RELN: variants seen among roughly 807,000 people sequenced by gnomAD.
RELN encodes reelin.
A neutral mutation model predicts 427.6 loss-of-function variants in RELN; 108 were observed. The ratio of observed to expected loss-of-function variants is 0.25; its 90% CI spans 0.22 to 0.30. The LOEUF (loss-of-function observed/expected upper bound fraction) is 0.30, where lower values mean the gene tolerates loss of function less well. RELN is among the 10% of genes least tolerant of loss of function. The probability of loss-of-function intolerance (pLI) is 1.00; values close to 1 mark genes in which losing one functional copy is unlikely to be tolerated. For missense variants in RELN, 3,715 were observed against 4,302.8 expected, an observed-to-expected ratio of 0.86 and a Z score of 3.82; for synonymous variants, 1,524 against 1,513.4, an observed-to-expected ratio of 1.01 and a Z score of -0.16.
intron 4 of RELN, among the ~76,000 whole-genome samples, chr7:103,762,588 T>A (rs1791329810): frequency 2.0e-5 from 3 of 152,240 alleles, no homozygotes; most frequent in South Asian, 2.1e-4. Context: ...TTCCCAATGC[T>A]GAGCACAATG....
In RELN at chr7:103,563,268, TG is replaced by T. The variant is rs1315469256; in HGVS notation, c.5211-1316del. On this transcript the variant is annotated intron_variant, in intron 34 of 64. Coordinates refer to ENST00000428762, the MANE Select transcript of RELN (RefSeq NM_005045.4). The surrounding 1 kb of genome is among the most constrained non-coding windows in gnomAD (Gnocchi z 4.1). ...CGATGATGGACTGCATTTATGACAATGGTCTCATAAGATTATAATGGATCTG... is the reference window on the plus strand; with the variant it reads ...CGATGATGGACTGCATTTATGACAATGTCTCATAAGATTATAATGGATCTG... 6.6e-6 allele frequency among the ~76,000 whole-genome samples: 1 copy of T among 152,238 alleles called. No homozygotes were observed. The highest frequency in any genetic ancestry group is 1.5e-5 in the Non-Finnish European group (1 of 68,040).
chr7:103,618,841 G>A (rs1300045092), intron 20 of RELN, among the ~76,000 whole-genome samples: 1 of 152,126 alleles, frequency 6.6e-6, no homozygotes, highest in Admixed American at 6.6e-5. Flanking sequence ...GGCAGGGTGT[G>A]GTGGCTCACA....
At chr7:103,644,303 A>G (rs1481546272) in intron 16 of RELN, among the ~76,000 whole-genome samples, 2 of 151,854 alleles carry the variant, frequency 1.3e-5, no homozygotes, top group Non-Finnish European at 2.9e-5. Context: ...TATTAATTTT[A>G]AATAATCTCA....
intron 2 of RELN, among the ~76,000 whole-genome samples, chr7:103,875,231 G>A (rs1011342763): frequency 2.7e-5 from 4 of 147,010 alleles, no homozygotes; most frequent in African/African-American, 7.4e-5. Flanking sequence ...AGATTTAAAC[G>A]TTAGACCTAA....
chr7:103,555,002 C>A (rs1335930106), intron 38 of RELN, among the ~76,000 whole-genome samples: 1 of 152,048 alleles, frequency 6.6e-6, no homozygotes, highest in African/African-American at 2.4e-5. Flanking sequence ...ATTCTATGAT[C>A]AATAATACTC....
At chr7:103,859,424 G>C (rs564694941) in intron 2 of RELN, among the ~76,000 whole-genome samples, 4 of 152,228 alleles carry the variant, frequency 2.6e-5, no homozygotes, top group African/African-American at 7.2e-5. Context: ...CTCCTGAGTA[G>C]CTGGGACTAC....
intron 2 of RELN, among the ~76,000 whole-genome samples, chr7:103,896,509 T>C (rs562179780): frequency 1.2e-4 from 19 of 152,066 alleles, no homozygotes; most frequent in African/African-American, 3.1e-4. Flanking sequence ...AAAAAGTACA[T>C]ACTGAATGGC....
chr7:103,650,221 ACAGGAAGAC>A, intron 16 of RELN, 44 bp downstream of exon 16: 1 of 1,082,134 alleles, frequency 9.2e-7, no homozygotes, highest in Non-Finnish European at 1.4e-6. Flanking sequence ...GAACAAAAGC[ACAGGAAGAC>A]TCTACATCAA....
chr7:103,839,249 T>C (rs1793490224), intron 2 of RELN, among the ~76,000 whole-genome samples: 1 of 151,840 alleles, frequency 6.6e-6, no homozygotes, highest in African/African-American at 2.4e-5. Flanking sequence ...CAAACATGTA[T>C]TCTCTGGACC....
chr7:103,685,799 G>C (rs17286505), intron 10 of RELN, among the ~76,000 whole-genome samples: 75,921 of 151,722 alleles, frequency 0.5, 19,505 homozygotes, highest in African/African-American at 0.62. Flanking sequence ...CTTTACTTGA[G>C]AAGCAGAACA....
At chr7:103,605,021 G>C (rs984130131) in intron 22 of RELN, among the ~76,000 whole-genome samples, 1 of 151,918 alleles carries the variant, frequency 6.6e-6, no homozygotes, top group Non-Finnish European at 1.5e-5. Flanking sequence ...GTAGAGACAG[G>C]GTTTCACCAT....
At chr7:103,515,688 T>C (rs1829549984) in intron 49 of RELN, among the ~76,000 whole-genome samples, 1 of 152,244 alleles carries the variant, frequency 6.6e-6, no homozygotes, top group South Asian at 2.1e-4. Context: ...ATTGGTTCTG[T>C]CTCTGGGCAG....
At chr7:103,743,337 G>C (rs1790721428) in intron 6 of RELN, among the ~76,000 whole-genome samples, 1 of 152,152 alleles carries the variant, frequency 6.6e-6, no homozygotes, top group Non-Finnish European at 1.5e-5. Flanking sequence ...ATCAAGGCTA[G>C]GAAGAAACTG....
intron 20 of RELN, among the ~76,000 whole-genome samples, chr7:103,613,537 G>A (rs961275993): frequency 2.6e-5 from 4 of 152,184 alleles, no homozygotes; most frequent in African/African-American, 9.7e-5. Flanking sequence ...GCACACACTT[G>A]TCTATACTGC....
intron 27 of RELN, among the ~76,000 whole-genome samples, chr7:103,592,417 T>G (rs1463104997): frequency 6.6e-6 from 1 of 152,188 alleles, no homozygotes; most frequent in Admixed American, 6.5e-5. Context: ...ATGTACCACA[T>G]TTTCTTTATC....
At chr7:103,739,105 G>A (rs561094631) in intron 6 of RELN, among the ~76,000 whole-genome samples, 1 of 152,274 alleles carries the variant, frequency 6.6e-6, no homozygotes, top group Non-Finnish European at 1.5e-5. Flanking sequence ...TCACTGTGGT[G>A]TATCCATCCT....
At chr7:103,916,836 C>T (rs983926636) in intron 2 of RELN, among the ~76,000 whole-genome samples, 3 of 151,936 alleles carry the variant, frequency 2.0e-5, no homozygotes, top group Non-Finnish European at 2.9e-5. Flanking sequence ...AGTATAATTG[C>T]GGCAGTGGAG....
intron 4 of RELN, among the ~76,000 whole-genome samples, chr7:103,774,557 G>A (rs992646237): frequency 6.6e-6 from 1 of 152,048 alleles, no homozygotes; most frequent in Non-Finnish European, 1.5e-5. Context: ...TGTGGTATAT[G>A]GTGACTGCAA....
chr7:103,711,479 T>C (rs1182704633), intron 8 of RELN, among the ~76,000 whole-genome samples: 1 of 152,098 alleles, frequency 6.6e-6, no homozygotes, highest in Non-Finnish European at 1.5e-5. Flanking sequence ...CACGGCACAA[T>C]CAAATGTATT....
Sources: gnomAD v4.1 joint callset for allele counts (sites outside exome capture counted in the v4.1 genomes callset) on GRCh38, gnomAD v4.1.1 for gene constraint, Gnocchi (gnomAD v3.1) non-coding constraint, MANE v1.5 for transcripts, NCBI Gene and HGNC (gene_info 2026-07-23, HGNC 2026-07-21) for gene names.